The following MCTP2 variants were observed in gnomAD, a reference collection of about 807,000 sequenced individuals.
MCTP2 encodes the protein multiple C2 and transmembrane domain containing 2, also known as multiple C2 and transmembrane domain-containing protein 2.
In MCTP2, 132 loss-of-function variants were observed where a neutral mutation model predicts 111.6. The observed-to-expected ratio is 1.18, with a 90% CI of 1.03 to 1.37. MCTP2 has a LOEUF of 1.37. Ranked by LOEUF, MCTP2 falls within the 40% of genes most tolerant of loss-of-function variation. MCTP2 has a pLI of 0.00. For missense variants in MCTP2, 1,183 were observed against 1,067.9 expected (o/e 1.11, Z -1.50); for synonymous variants, 395 against 387.7 (o/e 1.02, Z -0.22).
Position 94,474,665 on chromosome 15 carries a change from C to T in MCTP2, c.2471-2031C>T, listed in dbSNP as rs1596863625. Among the ~76,000 whole-genome samples the T allele has an allele frequency of 3.3e-5, 5 of 152,194 alleles. 1 individual carries two copies. In the South Asian group the frequency reaches 1.0e-3, roughly 32 times the overall value. On this transcript the variant is annotated intron_variant, in intron 21 of 22. Coordinates refer to ENST00000357742, the MANE Select transcript of MCTP2 (RefSeq NM_001385001.1). ...CCTGAGGTCAGGAGTTCAACACCAG[C>T]CTGACCAACATGGCGAAACCCCATC...
intron 7 of MCTP2, among the ~76,000 whole-genome samples, chr15:94,344,275 G>A (rs539939220): frequency 1.3e-5 from 2 of 152,292 alleles, no homozygotes; most frequent in East Asian, 1.9e-4. Context: ...GGTTTCTAAT[G>A]TATTGGGAAG....
At chr15:94,440,047 G>C (rs1397816598) in intron 17 of MCTP2, 129 bp from the exon 18 acceptor site, 3 of 1,077,734 alleles carry the variant, frequency 2.8e-6, no homozygotes, top group Non-Finnish European at 4.1e-6. Flanking sequence ...GTGCGTACCT[G>C]TTTGGAAATG....
intron 4 of MCTP2, among the ~76,000 whole-genome samples, chr15:94,325,810 C>T (rs4984346): frequency 0.3 from 35,584 of 117,346 alleles, 5,195 homozygotes; most frequent in Admixed American, 0.43. Flanking sequence ...TCCATCGCTC[C>T]GATTTTTTTT....
At chr15:94,283,820 C>T (rs570338516) in intron 1 of MCTP2, among the ~76,000 whole-genome samples, 8 of 152,242 alleles carry the variant, frequency 5.3e-5, no homozygotes, top group African/African-American at 1.7e-4. Flanking sequence ...ATTTTAAAAC[C>T]ATATGCATTG....
intron 4 of MCTP2, among the ~76,000 whole-genome samples, chr15:94,332,128 C>T (rs958665084): frequency 3.9e-5 from 6 of 152,024 alleles, no homozygotes; most frequent in Non-Finnish European, 8.8e-5. Context: ...CTCAGATGGC[C>T]GAGGAAAAAT....
intron 18 of MCTP2, among the ~76,000 whole-genome samples, chr15:94,442,224 A>G (rs1223689530): frequency 6.6e-6 from 1 of 152,218 alleles, no homozygotes; most frequent in Non-Finnish European, 1.5e-5. Flanking sequence ...GTACCAACAG[A>G]TATTAGTTTT....
intron 20 of MCTP2, 116 bp from the exon 21 acceptor site, chr15:94,470,217 C>G (rs781165004): frequency 3.3e-5 from 25 of 747,354 alleles, no homozygotes; most frequent in Non-Finnish European, 5.1e-5. Flanking sequence ...CAAAATTTTT[C>G]CAATAGACTG....
intron 17 of MCTP2, among the ~76,000 whole-genome samples, chr15:94,422,855 G>A (rs539627127): frequency 1.8e-4 from 28 of 152,054 alleles, no homozygotes; most frequent in African/African-American, 6.5e-4. Context: ...ATCAGTCATC[G>A]TCTTTTTTCT....
intron 1 of MCTP2, among the ~76,000 whole-genome samples, chr15:94,249,773 C>T (rs1014510892): frequency 1.2e-4 from 18 of 152,142 alleles, no homozygotes; most frequent in Admixed American, 1.1e-3. Context: ...GCATGAGCCA[C>T]CGTGCCTGGC....
chr15:94,249,367 G>T (rs79389813), intron 1 of MCTP2, among the ~76,000 whole-genome samples: 11,535 of 152,166 alleles, frequency 0.076, 641 homozygotes, highest in African/African-American at 0.14. Flanking sequence ...AGGATCTATG[G>T]TTCTGATATT....
intron 1 of MCTP2, among the ~76,000 whole-genome samples, chr15:94,270,184 C>T (rs1171559778): frequency 6.6e-6 from 1 of 152,126 alleles, no homozygotes; most frequent in Non-Finnish European, 1.5e-5. Context: ...GTGTACAGAA[C>T]AGACCCATAT....
At chr15:94,269,451 TACA>T (rs1386743912) in intron 1 of MCTP2, among the ~76,000 whole-genome samples, 2 of 152,224 alleles carry the variant, frequency 1.3e-5, no homozygotes, top group African/African-American at 4.8e-5. Flanking sequence ...GATTTGTCTT[TACA>T]ACTCCAGATA....
chr15:94,464,543 CTTGT>C (rs1454238159), intron 20 of MCTP2, among the ~76,000 whole-genome samples: 1 of 151,316 alleles, frequency 6.6e-6, no homozygotes. Context: ...CTATTTCCTG[CTTGT>C]TTGTTCATTA....
At chr15:94,467,278 G>A (rs1450895156) in intron 20 of MCTP2, among the ~76,000 whole-genome samples, 1 of 151,984 alleles carries the variant, frequency 6.6e-6, no homozygotes, top group African/African-American at 2.4e-5. Flanking sequence ...AAAAAGAGTG[G>A]GTTTTGTTGC....
chr15:94,278,811 G>A (rs1007644272), intron 1 of MCTP2, among the ~76,000 whole-genome samples: 1 of 152,118 alleles, frequency 6.6e-6, no homozygotes, highest in Admixed American at 6.5e-5. Flanking sequence ...ATTTATAAGG[G>A]AGAACACGTA....
intron 10 of MCTP2, among the ~76,000 whole-genome samples, chr15:94,359,521 G>A (rs2078806402): frequency 6.6e-6 from 1 of 152,164 alleles, no homozygotes; most frequent in African/African-American, 2.4e-5. Flanking sequence ...TCAGGGAGAT[G>A]CCTTAAGGTC....
intron 1 of MCTP2, among the ~76,000 whole-genome samples, chr15:94,267,793 CT>C (rs1234297984): frequency 6.7e-6 from 1 of 149,490 alleles, no homozygotes; most frequent in Non-Finnish European, 1.5e-5. Flanking sequence ...TGCTTGCTTA[CT>C]TTTAGCCATT....
intron 14 of MCTP2, among the ~76,000 whole-genome samples, chr15:94,391,872 G>A (rs1567607765): frequency 6.6e-6 from 1 of 152,130 alleles, no homozygotes; most frequent in Non-Finnish European, 1.5e-5. Flanking sequence ...CGTGGTAGAT[G>A]TTAAATCAGT....
intron 4 of MCTP2, among the ~76,000 whole-genome samples, chr15:94,334,314 T>A (rs1332847141): frequency 6.6e-6 from 1 of 152,238 alleles, no homozygotes; most frequent in East Asian, 1.9e-4. Context: ...TCTGAGACTT[T>A]AATTCACCAT....
Sources: gnomAD v4.1 joint callset for allele counts (sites outside exome capture counted in the v4.1 genomes callset) on GRCh38, gnomAD v4.1.1 for gene constraint, MANE v1.5 for transcripts, NCBI Gene and HGNC (gene_info 2026-07-23, HGNC 2026-07-21) for gene names.